The following DNAAF11 variants were observed in gnomAD, a reference collection of about 807,000 sequenced individuals.
DNAAF11 encodes dynein axonemal assembly factor 11.
Under a neutral mutation model 60.8 loss-of-function variants are expected in DNAAF11, and 45 were observed. That is an observed-to-expected ratio of 0.74 (90% confidence interval 0.58 to 0.95). The LOEUF is 0.95. Among genes scored for constraint, DNAAF11 ranks in the 40% least tolerant of loss-of-function variants. The pLI is 0.00. For synonymous variants in DNAAF11, 191 were observed against 183.5 expected, an observed-to-expected ratio of 1.04 and a Z score of -0.33; for missense variants, 546 against 546.2, an observed-to-expected ratio of 1.00 and a Z score of 0.00.
chr8:132,626,310 C>G (rs1476628475), intron 5 of DNAAF11, among the ~76,000 whole-genome samples: 1 of 152,166 alleles, frequency 6.6e-6, no homozygotes, highest in Non-Finnish European at 1.5e-5. Context: ...CTCGGCCTCC[C>G]AAAGCGCTGG....
Position 132,661,591 on chromosome 8 carries a change from T to C in DNAAF11, c.47A>G (p.Asn16Ser). The change falls in exon 2 of 12, where the codon AAC (asparagine) becomes AGC (serine). Residue 16 changes from asparagine (N) to serine (S), a missense_variant. Coordinates refer to ENST00000620350, the MANE Select transcript of DNAAF11 (RefSeq NM_012472.6). The part of the protein sequence containing the change: ...EDLIRRNAEH[N>S]DCVIFSLEEL... ...CTCCAGGGAAAAAATGACACAGTCGTTGTGTTCAGCATTCCGTCTAATAAG... is the reference window on the plus strand; with the variant it reads ...CTCCAGGGAAAAAATGACACAGTCGCTGTGTTCAGCATTCCGTCTAATAAG... 4 of 1,614,154 alleles carry C rather than the reference T, an allele frequency of 2.5e-6. No individual in the cohort carries two copies. Among genetic ancestry groups the C allele is most frequent in the Non-Finnish European group, 3.4e-6 (4 of 1,179,996 alleles).
At chr8:132,578,244 A>T (rs559253593) in intron 11 of DNAAF11, among the ~76,000 whole-genome samples, 8 of 152,268 alleles carry the variant, frequency 5.3e-5, no homozygotes, top group African/African-American at 1.9e-4. Flanking sequence ...GTACATTGTT[A>T]TCTGTGGCAC....
At chr8:132,681,003 C>CTTTT in the DNAAF11 span, among the ~76,000 whole-genome samples, 253 of 52,298 alleles carry the variant, frequency 4.8e-3, 50 homozygotes, top group African/African-American at 0.02. Flanking sequence ...ATAACTATTC[C>CTTTT]TTTTTTTTTT....
At chr8:132,678,427 T>G (rs1265494215), upstream of DNAAF11, among the ~76,000 whole-genome samples, 1 of 152,258 alleles carries the variant, frequency 6.6e-6, no homozygotes, top group East Asian at 1.9e-4. Context: ...CGTTTCCTGA[T>G]TAGTCCTTTT....
chr8:132,615,537 A>G (rs149467779), intron 7 of DNAAF11, among the ~76,000 whole-genome samples: 2 of 152,222 alleles, frequency 1.3e-5, no homozygotes. Context: ...TTTTCTTGCT[A>G]TCTTTTTTCT....
chr8:132,677,322 A>G (rs1825796595), upstream of DNAAF11, among the ~76,000 whole-genome samples: 1 of 152,190 alleles, frequency 6.6e-6, no homozygotes, highest in South Asian at 2.1e-4. Context: ...TAAGCTGACA[A>G]AAGCATGAGG....
chr8:132,687,259 C>T, the DNAAF11 span, among the ~76,000 whole-genome samples: 21 of 152,272 alleles, frequency 1.4e-4, no homozygotes, highest in African/African-American at 5.1e-4. Flanking sequence ...TGCCTGCTTA[C>T]ATGAGTGATC....
chr8:132,652,532 C>T lies in DNAAF11; in HGVS notation c.256+4298G>A, dbSNP rs191733304. On this transcript the variant is annotated intron_variant, in intron 3 of 11. Transcript: ENST00000620350. ...ATAAGAATACACACCACAGGAATGA[C>T]GCAATCAGAACATAGAAGTTTAGAA... Among the ~76,000 whole-genome samples, 194 of 152,142 alleles carry T rather than the reference C, an allele frequency of 1.3e-3. 1 individual carries two copies. The highest frequency in any genetic ancestry group is 4.3e-3 in the African/African-American group (177 of 41,502).
At chr8:132,651,728 C>A (rs1823036601) in intron 3 of DNAAF11, among the ~76,000 whole-genome samples, 2 of 152,116 alleles carry the variant, frequency 1.3e-5, no homozygotes, top group Admixed American at 1.3e-4. Flanking sequence ...GCTGGACAAC[C>A]CAGCCAAGAG....
At chr8:132,696,696 A>G in the DNAAF11 span, among the ~76,000 whole-genome samples, 1 of 152,222 alleles carries the variant, frequency 6.6e-6, no homozygotes, top group Non-Finnish European at 1.5e-5. Context: ...ACACCATGGA[A>G]TACTATGCAG....
chr8:132,625,577 G>C, intron 5 of DNAAF11, 123 bp from the exon 6 acceptor site: 1 of 733,226 alleles, frequency 1.4e-6, no homozygotes, highest in Non-Finnish European at 2.1e-6. Flanking sequence ...ATGACAAAGT[G>C]ACTCTGAAAG....
At chr8:132,672,780 T>C (rs1012632917) in intron 1 of DNAAF11, among the ~76,000 whole-genome samples, 1 of 151,910 alleles carries the variant, frequency 6.6e-6, no homozygotes, top group African/African-American at 2.4e-5. Flanking sequence ...TTGAAGGAGG[T>C]TGAGAATTGT....
At chr8:132,578,418 C>T (rs1015453601) in intron 11 of DNAAF11, 3 of 1,483,868 alleles carry the variant, frequency 2.0e-6, no homozygotes, top group Non-Finnish European at 1.8e-6. Context: ...CTTTGCTTTC[C>T]CCGCCTTAAT....
chr8:132,690,343 A>G, the DNAAF11 span, among the ~76,000 whole-genome samples: 1 of 152,162 alleles, frequency 6.6e-6, no homozygotes, highest in Admixed American at 6.5e-5. Flanking sequence ...TGGTTTTATA[A>G]GTGTTTGGAA....
intron 8 of DNAAF11, among the ~76,000 whole-genome samples, chr8:132,614,832 A>G (rs1428942636): frequency 6.6e-6 from 1 of 152,208 alleles, no homozygotes; most frequent in Non-Finnish European, 1.5e-5. Flanking sequence ...TCCTGAGTTC[A>G]TATCCATGAA....
intron 10 of DNAAF11, among the ~76,000 whole-genome samples, chr8:132,599,988 T>C (rs1817436324): frequency 6.6e-6 from 1 of 152,214 alleles, no homozygotes; most frequent in African/African-American, 2.4e-5. Context: ...AAATTGTCCC[T>C]GTATGCAGAT....
At chr8:132,578,623 T>A in intron 11 of DNAAF11, 1 of 658,036 alleles carries the variant, frequency 1.5e-6, no homozygotes, top group East Asian at 2.9e-5. Context: ...TCATTCCTTT[T>A]ATCAAAAAAC....
intron 3 of DNAAF11, among the ~76,000 whole-genome samples, chr8:132,650,077 A>G (rs1822846892): frequency 6.6e-6 from 1 of 152,246 alleles, no homozygotes; most frequent in African/African-American, 2.4e-5. Flanking sequence ...ACGTATATTT[A>G]TTGCAGCACT....
chr8:132,597,620 G>C lies in DNAAF11; in HGVS notation c.1140+12546C>G, dbSNP rs910755407. Reference sequence around the variant, plus strand: ...GAGAAAAGACAACCCCTTGGTCTGGGAGGATGCCAGGCAAGGTTTTAGAGA... The same window carrying C: ...GAGAAAAGACAACCCCTTGGTCTGGCAGGATGCCAGGCAAGGTTTTAGAGA... On this transcript the variant is annotated intron_variant, in intron 10 of 11. Transcript: ENST00000620350. 5.3e-5 allele frequency among the ~76,000 whole-genome samples: 8 copies of C among 152,182 alleles called. No homozygotes were observed. In the East Asian group the frequency reaches 1.5e-3, roughly 29 times the overall value.
Sources: allele counts gnomAD v4.1 joint callset (sites outside exome capture counted in the v4.1 genomes callset), GRCh38; gene constraint gnomAD v4.1.1; transcripts MANE v1.5; gene names NCBI Gene and HGNC (gene_info 2026-07-23, HGNC 2026-07-21).